The following DNER variants were observed in gnomAD, a reference collection of about 807,000 sequenced individuals.
DNER encodes delta/notch like EGF repeat containing, also known as delta and Notch-like epidermal growth factor-related receptor.
Under a neutral mutation model 78.2 loss-of-function variants are expected in DNER, and 33 were observed. The ratio of observed to expected loss-of-function variants is 0.42; its 90% confidence interval spans 0.32 to 0.56. The LOEUF (loss-of-function observed/expected upper bound fraction) is 0.56. DNER is among the 20% of genes least tolerant of loss of function. The pLI is 0.11. For synonymous variants in DNER, 417 were observed against 384.8 expected, an observed-to-expected ratio of 1.08 and a Z score of -0.98; for missense variants, 918 against 975.3, an observed-to-expected ratio of 0.94 and a Z score of 0.78.
intron 1 of DNER, among the ~76,000 whole-genome samples, chr2:229,712,021 G>A (rs542399782): frequency 6.6e-6 from 1 of 151,946 alleles, no homozygotes; most frequent in East Asian, 1.9e-4. Flanking sequence ...ATCTCAGTAA[G>A]TTTTTCTGGG....
chr2:229,643,582 C>T (rs957831253), intron 1 of DNER, among the ~76,000 whole-genome samples: 1 of 152,186 alleles, frequency 6.6e-6, no homozygotes, highest in Non-Finnish European at 1.5e-5. Flanking sequence ...GGGTAGGTTA[C>T]TTAGGCTACC....
intron 1 of DNER, among the ~76,000 whole-genome samples, chr2:229,644,596 C>T (rs1366791796): frequency 1.3e-5 from 2 of 152,150 alleles, no homozygotes; most frequent in Admixed American, 6.5e-5. Flanking sequence ...ATCTGCCCGC[C>T]TCAGCCTCCC....
chr2:229,512,641 C>G (rs928340081), intron 6 of DNER, 142 bp downstream of exon 6: 87 of 1,197,754 alleles, frequency 7.3e-5, no homozygotes, highest in Non-Finnish European at 9.1e-5. Flanking sequence ...ATGAGTGCAC[C>G]AAAACCTCAC....
At chr2:229,673,188 TA>T (rs1699239798) in intron 1 of DNER, among the ~76,000 whole-genome samples, 2 of 152,214 alleles carry the variant, frequency 1.3e-5, no homozygotes, top group Non-Finnish European at 2.9e-5. Flanking sequence ...TTCCTGTCCA[TA>T]AATTCTTTGA....
chr2:229,657,672 T>G (rs1367447719), intron 1 of DNER, among the ~76,000 whole-genome samples: 1 of 152,220 alleles, frequency 6.6e-6, no homozygotes, highest in East Asian at 1.9e-4. Context: ...ACGTAAGGCC[T>G]AAGCAACTCG....
chr2:229,438,738 A>G (rs573082838), intron 8 of DNER, among the ~76,000 whole-genome samples: 34 of 152,350 alleles, frequency 2.2e-4, no homozygotes, highest in African/African-American at 7.9e-4. Flanking sequence ...AAATCTGGTT[A>G]GAATACCTAA....
chr2:229,441,427 G>A (rs551083908), intron 8 of DNER, among the ~76,000 whole-genome samples: 44 of 152,236 alleles, frequency 2.9e-4, no homozygotes, highest in African/African-American at 1.0e-3. Context: ...GAGACTGCAC[G>A]CCATGGGAAT....
intron 7 of DNER, 24 bp from the exon 8 acceptor site, chr2:229,447,564 TA>T (rs780599782): frequency 1.2e-6 from 2 of 1,602,954 alleles, no homozygotes; most frequent in African/African-American, 1.3e-5. Flanking sequence ...CATGAGAGCT[TA>T]AAAAAACTAA....
intron 1 of DNER, among the ~76,000 whole-genome samples, chr2:229,680,828 A>G (rs1443902104): frequency 6.6e-6 from 1 of 152,252 alleles, no homozygotes; most frequent in Non-Finnish European, 1.5e-5. Context: ...AAAACCATAT[A>G]GAGAACAGTT....
At chr2:229,498,694 A>G (rs1243382193) in intron 6 of DNER, among the ~76,000 whole-genome samples, 2 of 152,340 alleles carry the variant, frequency 1.3e-5, no homozygotes, top group Non-Finnish European at 2.9e-5. Flanking sequence ...ACTTAGAAAT[A>G]CATTAAACCA....
intron 1 of DNER, among the ~76,000 whole-genome samples, chr2:229,651,600 T>C (rs1368019119): frequency 6.6e-6 from 1 of 152,222 alleles, no homozygotes; most frequent in Non-Finnish European, 1.5e-5. Context: ...AGTCCCTCCC[T>C]GGGCTGCTCC....
intron 8 of DNER, among the ~76,000 whole-genome samples, chr2:229,423,276 A>G (rs1329594239): frequency 6.6e-6 from 1 of 152,156 alleles, no homozygotes; most frequent in East Asian, 1.9e-4. Flanking sequence ...AACTTTCCCA[A>G]ACTAAAACCT....
intron 7 of DNER, among the ~76,000 whole-genome samples, chr2:229,468,640 C>G (rs1173840482): frequency 6.6e-6 from 1 of 152,184 alleles, no homozygotes; most frequent in African/African-American, 2.4e-5. Flanking sequence ...CCCGAAATAT[C>G]AGAGATACTG....
At chr2:229,381,603 C>T (rs1171557920) in intron 11 of DNER, among the ~76,000 whole-genome samples, 1 of 152,100 alleles carries the variant, frequency 6.6e-6, no homozygotes, top group Non-Finnish European at 1.5e-5. Context: ...GAGGGGCGTC[C>T]ACCATTACTG....
Position 229,471,575 on chromosome 2 carries a change from T to A in DNER, c.1261+5565A>T, listed in dbSNP as rs539733922. Among the ~76,000 whole-genome samples the A allele has an allele frequency of 1.3e-3, 202 of 152,288 alleles. 2 individuals are homozygous for A. In the South Asian group the frequency reaches 0.026, roughly 19 times the overall value. ...TATTTGAATTAAAGACTTTTAAGCA[T>A]AGGGTCCCTTAAAGGTAGTAGTCAA... On this transcript the variant is annotated intron_variant, in intron 7 of 12. Coordinates refer to ENST00000341772, the MANE Select transcript of DNER (RefSeq NM_139072.4).
intron 1 of DNER, among the ~76,000 whole-genome samples, chr2:229,675,231 C>T (rs180971450): frequency 2.7e-4 from 41 of 152,310 alleles, no homozygotes; most frequent in African/African-American, 9.9e-4. Context: ...GAAGGGGCCG[C>T]GTTGGTTTCA....
intron 1 of DNER, among the ~76,000 whole-genome samples, chr2:229,645,756 T>C (rs189839306): frequency 1.3e-5 from 2 of 152,316 alleles, no homozygotes; most frequent in East Asian, 3.9e-4. Context: ...AGTAAAATAT[T>C]TCCTGACCTT....
intron 5 of DNER, among the ~76,000 whole-genome samples, chr2:229,537,728 G>A (rs1451802342): frequency 6.6e-6 from 1 of 151,928 alleles, no homozygotes; most frequent in Non-Finnish European, 1.5e-5. Context: ...TCCTTTGGGA[G>A]GTCATTTTAT....
chr2:229,565,019 A>T (rs1697076507), intron 4 of DNER, among the ~76,000 whole-genome samples: 1 of 152,172 alleles, frequency 6.6e-6, no homozygotes. Flanking sequence ...CCTATTAATG[A>T]GGGCTCTGCC....
Sources: gnomAD v4.1 joint callset for allele counts (sites outside exome capture counted in the v4.1 genomes callset) on GRCh38, gnomAD v4.1.1 for gene constraint, MANE v1.5 for transcripts, NCBI Gene and HGNC (gene_info 2026-07-23, HGNC 2026-07-21) for gene names.